Variants in MARCHF4 observed in about 807,000 individuals in gnomAD.
MARCHF4 encodes the protein E3 ubiquitin-protein ligase MARCHF4.
Under a neutral mutation model 43.9 loss-of-function variants are expected in MARCHF4, and 14 were observed. The ratio of observed to expected loss-of-function variants is 0.32; its 90% CI spans 0.21 to 0.50. The LOEUF (loss-of-function observed/expected upper bound fraction) is 0.50. MARCHF4 is among the 20% of genes least tolerant of loss of function. MARCHF4 has a pLI of 0.98. For synonymous variants in MARCHF4, 226 were observed against 213.3 expected (o/e 1.06, Z -0.52); for missense variants, 468 against 536.7 (o/e 0.87, Z 1.27).
intron 1 of MARCHF4, among the ~76,000 whole-genome samples, chr2:216,356,954 C>T (rs1040925336): frequency 1.3e-5 from 2 of 151,602 alleles, no homozygotes; most frequent in Non-Finnish European, 2.9e-5. Flanking sequence ...ACCTGGGAGG[C>T]GGAGGTTGCA....
At chr2:216,368,566 C>T (rs1170864330) in intron 1 of MARCHF4, among the ~76,000 whole-genome samples, 1 of 152,210 alleles carries the variant, frequency 6.6e-6, no homozygotes, top group Non-Finnish European at 1.5e-5. Context: ...AATGAAAATG[C>T]CAGCTAAGCC....
rs1168127720 is a variant in MARCHF4 at position 216,372,307 on chromosome 2, G to GCGCCGCGGC, written c.-2056_-2048dup. Among the ~76,000 whole-genome samples, 43 of 152,238 alleles carry GCGCCGCGGC rather than the reference G, an allele frequency of 2.8e-4. No individual in the cohort carries two copies. In the South Asian group the frequency reaches 8.1e-3, roughly 29 times the overall value. On this transcript the variant is annotated 5_prime_UTR_variant, in exon 1 of 4. Coordinates refer to ENST00000273067, the MANE Select transcript of MARCHF4 (RefSeq NM_020814.3). ...AGGCTCTCGGCTATCTCCGCCGCCG[G>GCGCCGCGGC]CGCCGCGGCCGCCGCTGCTGCATTC...
chr2:216,283,664 G>A lies in MARCHF4; in HGVS notation c.582C>T (p.Ile194=), dbSNP rs1432309535. The change falls in exon 2 of 4, where the codon ATC becomes ATT. Residue 194 remains isoleucine, a synonymous_variant. Transcript: ENST00000273067. The part of the protein sequence containing the change: ...SVKCTHQPCL[I]KWISERGCWS... ...AGCAGCCCCGCTCGCTGATCCACTT[G>A]ATGAGGCAAGGCTGGTGTGTGCACT... 2 of 1,613,594 alleles carry A rather than the reference G, an allele frequency of 1.2e-6. No homozygotes were observed. The highest frequency in any genetic ancestry group is 1.3e-5 in the African/African-American group (1 of 74,940).
intron 1 of MARCHF4, among the ~76,000 whole-genome samples, chr2:216,359,023 A>C (rs1276470179): frequency 6.6e-6 from 1 of 152,128 alleles, no homozygotes; most frequent in Non-Finnish European, 1.5e-5. Context: ...CAGGAGTGGG[A>C]ATTTATGGTT....
intron 2 of MARCHF4, among the ~76,000 whole-genome samples, chr2:216,282,868 TC>T (rs1165966166): frequency 6.6e-6 from 1 of 152,116 alleles, no homozygotes; most frequent in Admixed American, 6.5e-5. Flanking sequence ...TTGCTCTTAT[TC>T]CCATTTTTCT....
intron 1 of MARCHF4, among the ~76,000 whole-genome samples, chr2:216,320,662 TC>T (rs1691872777): frequency 4.1e-5 from 5 of 121,590 alleles, no homozygotes; most frequent in Admixed American, 1.6e-4. Flanking sequence ...TTTCTTTCTT[TC>T]TTTCTTTCTT....
rs1165415422 is a variant in MARCHF4 at position 216,259,112 on chromosome 2, G to A, written c.*200C>T. On this transcript the variant is annotated 3_prime_UTR_variant, in exon 4 of 4. Coordinates refer to ENST00000273067, the MANE Select transcript of MARCHF4 (RefSeq NM_020814.3). ...GGTGTTGGTTTTCATTGTTGTTGTGGAGAGTGGCATTGACTGATTGGAAAT... is the reference window on the plus strand; with the variant it reads ...GGTGTTGGTTTTCATTGTTGTTGTGAAGAGTGGCATTGACTGATTGGAAAT... 2 of 571,848 alleles carry A rather than the reference G, an allele frequency of 3.5e-6. No individual in the cohort carries two copies. The highest frequency in any genetic ancestry group is 5.7e-6 in the Non-Finnish European group (2 of 350,318). The allele number at this position is 571,848 out of a possible 1,614,324, so 35.4% of individuals were successfully genotyped here.
intron 1 of MARCHF4, among the ~76,000 whole-genome samples, chr2:216,316,669 A>C (rs1276311599): frequency 6.6e-6 from 1 of 152,122 alleles, no homozygotes; most frequent in Non-Finnish European, 1.5e-5. Context: ...GAGTAGTGTC[A>C]AGGTACTAAG....
chr2:216,299,796 G>A (rs1302387714), intron 1 of MARCHF4, among the ~76,000 whole-genome samples: 1 of 152,176 alleles, frequency 6.6e-6, no homozygotes, highest in East Asian at 1.9e-4. Context: ...CTGCTGATCT[G>A]ACTTGGTTAA....
intron 1 of MARCHF4, among the ~76,000 whole-genome samples, chr2:216,331,792 TTATTA>T (rs1255202536): frequency 3.3e-5 from 5 of 152,182 alleles, no homozygotes; most frequent in Admixed American, 3.3e-4. Flanking sequence ...AATGAAAAAG[TTATTA>T]GTGAACTCAG....
chr2:216,258,685 C>T lies in MARCHF4; in HGVS notation c.*627G>A, dbSNP rs1355003182. On this transcript the variant is annotated 3_prime_UTR_variant, in exon 4 of 4. Transcript: ENST00000273067. ...TGGAAGTTCCTTCAGGAAGGAGACACACTCTCCCTCTGGCTGCTCACACCA... is the reference window on the plus strand; with the variant it reads ...TGGAAGTTCCTTCAGGAAGGAGACATACTCTCCCTCTGGCTGCTCACACCA... 3.3e-5 allele frequency: 5 copies of T among 152,694 alleles called. No individual in the cohort carries two copies. Among genetic ancestry groups the T allele is most frequent in the African/African-American group, 1.2e-4 (5 of 41,426 alleles). 9.5% of individuals were successfully genotyped at this position (152,694 alleles called of 1,614,324 possible).
In MARCHF4 at chr2:216,315,193, A is replaced by C. The variant is rs539334923; in HGVS notation, c.517-31464T>G. On this transcript the variant is annotated intron_variant, in intron 1 of 3. Coordinates refer to ENST00000273067, the MANE Select transcript of MARCHF4 (RefSeq NM_020814.3). ...AAATATTGGAAATCTTCTTTAGTAAATAGAGACATAAACCTTAGAACAATA... is the reference window on the plus strand; with the variant it reads ...AAATATTGGAAATCTTCTTTAGTAACTAGAGACATAAACCTTAGAACAATA... Among the ~76,000 whole-genome samples, 7 of 152,362 alleles carry C rather than the reference A, an allele frequency of 4.6e-5. No homozygotes were observed. In the South Asian group the frequency reaches 1.5e-3, roughly 32 times the overall value.
chr2:216,293,425 T>C (rs987105560), intron 1 of MARCHF4, among the ~76,000 whole-genome samples: 1 of 152,226 alleles, frequency 6.6e-6, no homozygotes, highest in Non-Finnish European at 1.5e-5. Flanking sequence ...TGTAGTTATC[T>C]ACACTAAATC....
At chr2:216,286,557 G>A (rs1691222408) in intron 1 of MARCHF4, among the ~76,000 whole-genome samples, 1 of 151,514 alleles carries the variant, frequency 6.6e-6, no homozygotes, top group Non-Finnish European at 1.5e-5. Flanking sequence ...AATAAAGCAA[G>A]GACAACAAAC....
At chr2:216,313,938 C>T (rs1014558836) in intron 1 of MARCHF4, among the ~76,000 whole-genome samples, 1 of 152,162 alleles carries the variant, frequency 6.6e-6, no homozygotes, top group African/African-American at 2.4e-5. Context: ...AGGGAAGTCA[C>T]TGCAGAGAGA....
intron 3 of MARCHF4, among the ~76,000 whole-genome samples, chr2:216,263,709 G>T (rs942614984): frequency 1.3e-5 from 2 of 152,150 alleles, no homozygotes; most frequent in Admixed American, 6.5e-5. Flanking sequence ...AAGACACAGT[G>T]TGTGTGGGGG....
At chr2:216,302,572 A>G (rs768529590) in intron 1 of MARCHF4, among the ~76,000 whole-genome samples, 3 of 152,026 alleles carry the variant, frequency 2.0e-5, no homozygotes, top group African/African-American at 4.8e-5. Context: ...TCAGTAAGGA[A>G]GGTGAGCAAT....
At chr2:216,364,993 C>T (rs759601000) in intron 1 of MARCHF4, among the ~76,000 whole-genome samples, 2 of 152,204 alleles carry the variant, frequency 1.3e-5, no homozygotes, top group Non-Finnish European at 2.9e-5. Context: ...TCCATTTATA[C>T]TCCTGCCATA....
chr2:216,305,796 G>A (rs1192648504), intron 1 of MARCHF4, among the ~76,000 whole-genome samples: 1 of 152,122 alleles, frequency 6.6e-6, no homozygotes, highest in African/African-American at 2.4e-5. Flanking sequence ...GAAATCAAGG[G>A]CTGATTGTCC....
Sources: allele counts gnomAD v4.1 joint callset (sites outside exome capture counted in the v4.1 genomes callset), GRCh38; gene constraint gnomAD v4.1.1; transcripts MANE v1.5; gene names NCBI Gene and HGNC (gene_info 2026-07-23, HGNC 2026-07-21).